SLC26A5: variants seen among roughly 807,000 people sequenced by gnomAD.
The protein encoded by SLC26A5 is solute carrier family 26 member 5.
In SLC26A5, 51 loss-of-function variants were observed where a neutral mutation model predicts 81.0. That is an observed-to-expected ratio of 0.63 (90% CI 0.50 to 0.80). The LOEUF is 0.80. SLC26A5 is among the 30% of genes least tolerant of loss of function. SLC26A5 has a pLI of 0.00. For missense variants in SLC26A5, 771 were observed against 905.8 expected (o/e 0.85, Z 1.91); for synonymous variants, 325 against 332.8 (o/e 0.98, Z 0.25).
intron 8 of SLC26A5, among the ~76,000 whole-genome samples, chr7:103,402,910 CT>C (rs1390741872): frequency 6.6e-6 from 1 of 152,082 alleles, no homozygotes; most frequent in Non-Finnish European, 1.5e-5. Flanking sequence ...TTCTTGTCTT[CT>C]GCCAGCTTTT....
chr7:103,421,321 C>G (rs756362425), intron 3 of SLC26A5, 42 bp downstream of exon 3: 1 of 1,610,414 alleles, frequency 6.2e-7, no homozygotes, highest in Admixed American at 1.7e-5. Context: ...CCTCTCATAA[C>G]TGAATGATAC....
chr7:103,371,368 A>G (rs919498418), downstream of SLC26A5, among the ~76,000 whole-genome samples: 2 of 147,290 alleles, frequency 1.4e-5, no homozygotes, highest in Admixed American at 1.4e-4. Context: ...TCTGTCGCCC[A>G]GGCTGGAGTG....
intron 8 of SLC26A5, among the ~76,000 whole-genome samples, chr7:103,399,382 G>A (rs967957769): frequency 3.9e-5 from 6 of 152,154 alleles, no homozygotes; most frequent in South Asian, 2.1e-4. Context: ...GAGAGAAGAG[G>A]TTTTGAAACT....
Position 103,410,676 on chromosome 7 carries a change from T to C in SLC26A5, c.571-127A>G. On this transcript the variant is annotated intron_variant, in intron 6 of 19. Coordinates refer to ENST00000306312, the MANE Select transcript of SLC26A5 (RefSeq NM_198999.3). ...TTTTTTGAGATGGAGTCTTGCTCTG[T>C]CACCCAGGCAGTGGCACAGTCTCAG... is the stretch of plus-strand genomic sequence containing the variant. 4.6e-6 allele frequency: 4 copies of C among 877,970 alleles called. No individual in the cohort carries two copies. In the South Asian group the frequency reaches 6.0e-5, roughly 13 times the overall value. The allele number at this position is 877,970 out of a possible 1,614,324, so 54.4% of individuals were successfully genotyped here.
At chr7:103,418,842 C>T (rs1043789899) in intron 4 of SLC26A5, among the ~76,000 whole-genome samples, 2 of 152,122 alleles carry the variant, frequency 1.3e-5, no homozygotes, top group Non-Finnish European at 1.5e-5. Flanking sequence ...TCTCCCACTA[C>T]CCAAATCCAT....
At chr7:103,423,558 C>T (rs184625011) in intron 2 of SLC26A5, among the ~76,000 whole-genome samples, 5 of 152,246 alleles carry the variant, frequency 3.3e-5, no homozygotes, top group African/African-American at 9.6e-5. Flanking sequence ...GGAGCACTCA[C>T]GAATGGGATT....
Position 103,377,770 on chromosome 7 carries a change from G to T in SLC26A5, c.1815C>A (p.Thr605=). The change falls in exon 18 of 20, where the codon ACC becomes ACA. Residue 605 remains threonine, a synonymous_variant. Coordinates refer to ENST00000306312, the MANE Select transcript of SLC26A5 (RefSeq NM_198999.3). The part of the protein sequence containing the change: ...ADAEVDGEDA[T]KPEEEDGEVK... ...CTTCACCATCCTCTTCTTCAGGCTT[G>T]GTAGCATCCTCTCCATCTACTTCTG... 1 of 1,613,898 alleles carries T rather than the reference G, an allele frequency of 6.2e-7. No individual in the cohort carries two copies. The highest frequency in any genetic ancestry group is 8.5e-7 in the Non-Finnish European group (1 of 1,179,982).
intron 14 of SLC26A5, among the ~76,000 whole-genome samples, chr7:103,386,435 C>G (rs1212896237): frequency 6.6e-6 from 1 of 151,804 alleles, no homozygotes; most frequent in Non-Finnish European, 1.5e-5. Context: ...GGCGTGGTGG[C>G]ACGCGCCTGT....
intron 19 of SLC26A5, among the ~76,000 whole-genome samples, chr7:103,359,833 A>C (rs1261952796): frequency 6.6e-6 from 1 of 152,060 alleles, no homozygotes; most frequent in African/African-American, 2.4e-5. Flanking sequence ...TAATCCCAGC[A>C]CTTTGGGAGG....
downstream of SLC26A5, among the ~76,000 whole-genome samples, chr7:103,371,942 G>A (rs557377463): frequency 3.7e-4 from 56 of 151,900 alleles, no homozygotes; most frequent in African/African-American, 7.7e-4. Flanking sequence ...TGATCTGCCC[G>A]CCTTGGCCTC....
intron 14 of SLC26A5, among the ~76,000 whole-genome samples, chr7:103,387,433 T>G (rs1822282950): frequency 6.6e-6 from 1 of 152,196 alleles, no homozygotes; most frequent in Non-Finnish European, 1.5e-5. Context: ...CCACACTAGC[T>G]TCATTTTCAT....
chr7:103,406,514 T>G (rs1435600027), intron 8 of SLC26A5, among the ~76,000 whole-genome samples: 1 of 152,094 alleles, frequency 6.6e-6, no homozygotes, highest in African/African-American at 2.4e-5. Context: ...GCTGCATCCA[T>G]TGTCTAACCA....
chr7:103,440,826 C>G (rs1226612908), intron 2 of SLC26A5, among the ~76,000 whole-genome samples: 15 of 152,184 alleles, frequency 9.9e-5, no homozygotes, highest in Non-Finnish European at 2.2e-4. Context: ...AAGAACTTTA[C>G]TGCCAGTAGC....
chr7:103,374,602 GAAGAA>G lies in SLC26A5; in HGVS notation c.2042-15_2042-11del, dbSNP rs1563507768. The G allele has an allele frequency of 3.1e-6, 5 of 1,610,722 alleles. No homozygotes were observed. The Admixed American group carries it at 6.7e-5, about 22-fold the overall frequency. ...TCATTCACAACTTGTGCTATTAAAA[GAAGAA>G]AAGAAAATTAGTCCACACTCTGGAT... On this transcript the variant is annotated splice_polypyrimidine_tract_variant and intron_variant, in intron 19 of 19. Coordinates refer to ENST00000306312, the MANE Select transcript of SLC26A5 (RefSeq NM_198999.3).
In SLC26A5 at chr7:103,417,806, T is replaced by C. The variant is rs138717658; in HGVS notation, c.292+2932A>G. ...TCTTGTCACCCAGGCTGGAGTGCAA[T>C]GGCATGATCTCAGCTCACTGCAACC... On this transcript the variant is annotated intron_variant, in intron 4 of 19. Coordinates refer to ENST00000306312, the MANE Select transcript of SLC26A5 (RefSeq NM_198999.3). Among the ~76,000 whole-genome samples, 184 of 152,356 alleles carry C rather than the reference T, an allele frequency of 1.2e-3. 2 individuals carry two copies. The highest frequency in any genetic ancestry group is 4.4e-3 in the African/African-American group (182 of 41,586).
At chr7:103,363,260 A>G in intron 19 of SLC26A5, 1 of 1,048,752 alleles carries the variant, frequency 9.5e-7, no homozygotes, top group Non-Finnish European at 1.4e-6. Context: ...TTTTTCTTTT[A>G]AGGTATTAGG....
chr7:103,407,820 C>T, intron 8 of SLC26A5, 31 bp downstream of exon 8: 1 of 1,612,118 alleles, frequency 6.2e-7, no homozygotes, highest in Non-Finnish European at 8.5e-7. Flanking sequence ...GTTGTAGAAG[C>T]CGAGTAGGTC....
intron 12 of SLC26A5, among the ~76,000 whole-genome samples, chr7:103,390,061 C>G (rs1586247797): frequency 6.6e-6 from 1 of 152,156 alleles, no homozygotes; most frequent in South Asian, 2.1e-4. Context: ...GGTTCCTGAT[C>G]TCTACTAGAT....
At chr7:103,404,337 C>T (rs1280507678) in intron 8 of SLC26A5, among the ~76,000 whole-genome samples, 2 of 152,082 alleles carry the variant, frequency 1.3e-5, no homozygotes, top group African/African-American at 4.8e-5. Context: ...TTTTCCTTTC[C>T]ACATTTAGTG....
Sources: allele counts gnomAD v4.1 joint callset (sites outside exome capture counted in the v4.1 genomes callset), GRCh38; gene constraint gnomAD v4.1.1; transcripts MANE v1.5; gene names NCBI Gene and HGNC (gene_info 2026-07-23, HGNC 2026-07-21).